Variants in LRRC37A2 observed in about 807,000 individuals in gnomAD.
LRRC37A2 encodes the protein leucine rich repeat containing 37 member A2, also known as leucine-rich repeat-containing protein 37A2.
In LRRC37A2, 9 loss-of-function variants were observed where a neutral mutation model predicts 68.8. The ratio of observed to expected loss-of-function variants is 0.13; its 90% CI spans 0.08 to 0.23. LRRC37A2 has a LOEUF of 0.23. Ranked by LOEUF, LRRC37A2 falls within the 10% of genes least tolerant of loss-of-function variation. The pLI is 1.00. For synonymous variants in LRRC37A2, 63 were observed against 367.6 expected (o/e 0.17, Z 9.48); for missense variants, 168 against 950.4 (o/e 0.18, Z 10.82).
chr17:46,961,653 A>T, the LRRC37A2 span, among the ~76,000 whole-genome samples: 15 of 152,348 alleles, frequency 9.8e-5, no homozygotes, highest in Admixed American at 3.9e-4. Flanking sequence ...CGTCTGTAAA[A>T]AGATTATATT....
the LRRC37A2 span, among the ~76,000 whole-genome samples, chr17:46,778,255 C>T: frequency 1.3e-5 from 2 of 152,182 alleles, no homozygotes; most frequent in Admixed American, 1.3e-4. Context: ...GAAAGGATGC[C>T]TGGATCAGAC....
chr17:46,862,448 C>T, the LRRC37A2 span, among the ~76,000 whole-genome samples: 3 of 152,154 alleles, frequency 2.0e-5, no homozygotes, highest in Middle Eastern at 3.4e-3. Context: ...TATGAGTTCA[C>T]CACAATTGTT....
chr17:46,797,997 C>T, the LRRC37A2 span, among the ~76,000 whole-genome samples: 2 of 152,040 alleles, frequency 1.3e-5, no homozygotes, highest in Non-Finnish European at 2.9e-5. Flanking sequence ...GGCGTGATCC[C>T]GGCTCTCTGC....
chr17:46,947,563 G>A, the LRRC37A2 span, among the ~76,000 whole-genome samples: 1 of 152,202 alleles, frequency 6.6e-6, no homozygotes, highest in Admixed American at 6.5e-5. Flanking sequence ...TTTAGGTGCA[G>A]TGTAATGTGA....
At chr17:47,007,708 T>A in the LRRC37A2 span, 1 of 152,172 alleles carries the variant, frequency 6.6e-6, no homozygotes, top group Admixed American at 6.5e-5. Context: ...ACAATTAATG[T>A]ATTTTGTAAA....
At chr17:46,717,981 C>G in the LRRC37A2 span, among the ~76,000 whole-genome samples, 1 of 152,330 alleles carries the variant, frequency 6.6e-6, no homozygotes, top group South Asian at 2.1e-4. Context: ...GCCAGATCTA[C>G]TTGGGGCTAG....
At chr17:46,993,292 T>G in the LRRC37A2 span, among the ~76,000 whole-genome samples, 3 of 152,160 alleles carry the variant, frequency 2.0e-5, no homozygotes, top group Non-Finnish European at 4.4e-5. Context: ...CAGAGGCAGA[T>G]CCCAGGCTCA....
At chr17:47,003,510 C>T in the LRRC37A2 span, among the ~76,000 whole-genome samples, 1 of 152,216 alleles carries the variant, frequency 6.6e-6, no homozygotes, top group African/African-American at 2.4e-5. Flanking sequence ...GGGTACAGTG[C>T]TCTGTCGCCC....
chr17:46,883,460 T>C, the LRRC37A2 span, among the ~76,000 whole-genome samples: 1 of 151,940 alleles, frequency 6.6e-6, no homozygotes. Context: ...TATTTTTGTA[T>C]TTTTAGTAGA....
the LRRC37A2 span, among the ~76,000 whole-genome samples, chr17:46,691,488 A>C: frequency 2.2e-5 from 3 of 135,578 alleles, no homozygotes; most frequent in East Asian, 7.5e-4. Context: ...CCAGCTACTC[A>C]GGAAGCTGAG....
the LRRC37A2 span, among the ~76,000 whole-genome samples, chr17:46,882,101 A>G: frequency 6.6e-6 from 1 of 152,218 alleles, no homozygotes; most frequent in Admixed American, 6.5e-5. Flanking sequence ...GGATATAGTG[A>G]GCTGTGATTG....
the LRRC37A2 span, chr17:46,876,373 C>T: frequency 6.2e-7 from 1 of 1,614,024 alleles, no homozygotes; most frequent in Non-Finnish European, 8.5e-7. Flanking sequence ...TGCGCTATGA[C>T]TCGGCTGTCA....
intron 11 of LRRC37A2, among the ~76,000 whole-genome samples, chr17:46,551,564 CTCAAGT>C (rs1283225604): frequency 6.7e-6 from 1 of 149,120 alleles, no homozygotes; most frequent in Non-Finnish European, 1.5e-5. Context: ...CAAAAGCCAA[CTCAAGT>C]TCATCTTTCT....
At chr17:46,718,703 TATAAGCC>T in the LRRC37A2 span, among the ~76,000 whole-genome samples, 1 of 152,210 alleles carries the variant, frequency 6.6e-6, no homozygotes, top group African/African-American at 2.4e-5. Flanking sequence ...TCATTTAACC[TATAAGCC>T]ACTGTTTTCT....
chr17:46,902,474 G>A, the LRRC37A2 span, among the ~76,000 whole-genome samples: 1 of 151,670 alleles, frequency 6.6e-6, no homozygotes, highest in East Asian at 1.9e-4. Flanking sequence ...GTGTGTGTGT[G>A]TGTGTGTGTG....
At chr17:46,956,072 G>C in the LRRC37A2 span, among the ~76,000 whole-genome samples, 1 of 152,146 alleles carries the variant, frequency 6.6e-6, no homozygotes, top group Non-Finnish European at 1.5e-5. Context: ...CATAGAGATG[G>C]AGAGTGGGAG....
At chr17:46,502,906 T>C in the LRRC37A2 span, among the ~76,000 whole-genome samples, 1 of 150,606 alleles carries the variant, frequency 6.6e-6, no homozygotes, top group Non-Finnish European at 1.5e-5. Context: ...GTGGTAGCAC[T>C]CAACGTTTAA....
chr17:46,918,881 C>T, the LRRC37A2 span, among the ~76,000 whole-genome samples: 1 of 152,164 alleles, frequency 6.6e-6, no homozygotes, highest in African/African-American at 2.4e-5. Flanking sequence ...TTTGTGTACG[C>T]TGTTTCCTCT....
the LRRC37A2 span, among the ~76,000 whole-genome samples, chr17:46,991,276 C>G: frequency 6.6e-6 from 1 of 152,158 alleles, no homozygotes; most frequent in Admixed American, 6.6e-5. Context: ...GACTTCTTAT[C>G]TGTTGCTTAC....
Sources: allele counts gnomAD v4.1 joint callset (sites outside exome capture counted in the v4.1 genomes callset), GRCh38; gene constraint gnomAD v4.1.1; transcripts MANE v1.5; gene names NCBI Gene and HGNC (gene_info 2026-07-23, HGNC 2026-07-21).